NRXN2: variants seen among roughly 807,000 people sequenced by gnomAD.
NRXN2 encodes the protein neurexin-2-beta.
NRXN2 carries 29 observed loss-of-function variants against 128.8 expected under a neutral mutation model. The ratio of observed to expected loss-of-function variants is 0.23; its 90% CI spans 0.17 to 0.31. NRXN2 has a LOEUF of 0.31. Among genes scored for constraint, NRXN2 ranks in the 10% least tolerant of loss-of-function variants. NRXN2 has a pLI of 1.00. For missense variants in NRXN2, 1,881 were observed against 2,452.6 expected (o/e 0.77, Z 4.92); for synonymous variants, 1,098 against 1,075.2 (o/e 1.02, Z -0.41).
chr11:64,701,201 C>T (rs965240140), intron 2 of NRXN2, among the ~76,000 whole-genome samples: 4 of 152,186 alleles, frequency 2.6e-5, no homozygotes, highest in Non-Finnish European at 4.4e-5. Flanking sequence ...AACCATGTTA[C>T]GACCCTGCTG....
rs763298368 is a variant in NRXN2 at position 64,648,851 on chromosome 11, C to A, written c.3166G>T (p.Val1056Leu). The A allele has an allele frequency of 1.2e-6, 2 of 1,614,074 alleles. No individual in the cohort carries two copies. The highest frequency in any genetic ancestry group is 1.3e-5 in the African/African-American group (1 of 74,920). ...KNMFSNLPKL[V>L]ASRDGFQGCL... ...CCCTGAAAGCCATCCCGGGAGGCCA[C>A]CAGCTTGGGCAGGTTGCTGAACATA... Residue 1056 changes from valine to leucine, a missense_variant, in exon 16 of 23, where the codon GTG becomes TTG. Val to Leu is a conservative substitution (Grantham distance 32, BLOSUM62 1). Transcript: ENST00000265459. This position sits in a 1 kb window ranked among gnomAD's most constrained non-coding sequence, Gnocchi z 4.1.
At chr11:64,696,541 A>G (rs918953474) in intron 3 of NRXN2, among the ~76,000 whole-genome samples, 16 of 149,810 alleles carry the variant, frequency 1.1e-4, no homozygotes, top group African/African-American at 3.9e-4. Flanking sequence ...ACACACACAC[A>G]CACACACACA....
intron 22 of NRXN2, 45 bp from the exon 23 acceptor site, chr11:64,608,127 C>T: frequency 3.4e-6 from 5 of 1,451,222 alleles, no homozygotes; most frequent in Non-Finnish European, 4.7e-6. Context: ...TCAGCGAGGG[C>T]CAGGGCGCAG....
intron 12 of NRXN2, among the ~76,000 whole-genome samples, chr11:64,652,992 G>A (rs779819410): frequency 6.9e-4 from 98 of 142,664 alleles, no homozygotes; most frequent in Non-Finnish European, 1.2e-4. Flanking sequence ...AGGGCGCCCA[G>A]CACACACAGT....
At position 64,648,619 on chromosome 11, in the gene NRXN2, G is replaced by C. The variant is rs1344293714; in HGVS notation, c.3283+115C>G. ...GAACTGTGGGGGCAAGCTCCCATAAGGCCTGAGAAGGAAGGCCCCTTGGCA... is the reference window on the plus strand; with the variant it reads ...GAACTGTGGGGGCAAGCTCCCATAACGCCTGAGAAGGAAGGCCCCTTGGCA... On this transcript the variant is annotated intron_variant, in intron 16 of 22. Transcript: ENST00000265459. This position sits in a 1 kb window ranked among gnomAD's most constrained non-coding sequence, Gnocchi z 4.1. 1 of 1,406,020 alleles carries C rather than the reference G, an allele frequency of 7.1e-7. No homozygotes were observed. Among genetic ancestry groups the C allele is most frequent in the Non-Finnish European group, 1.0e-6 (1 of 996,366 alleles). 87.1% of individuals were successfully genotyped at this position (1,406,020 alleles called of 1,614,324 possible).
chr11:64,682,367 G>C (rs924985315), intron 6 of NRXN2, among the ~76,000 whole-genome samples: 6 of 151,176 alleles, frequency 4.0e-5, no homozygotes, highest in Non-Finnish European at 8.9e-5. Context: ...TCTATTCTTG[G>C]GGACTGCATC....
intron 21 of NRXN2, among the ~76,000 whole-genome samples, chr11:64,621,431 C>T (rs960150565): frequency 3.9e-5 from 6 of 152,272 alleles, no homozygotes; most frequent in Admixed American, 1.3e-4. Context: ...CCCAAGGGCT[C>T]CCTGCTCCCT....
chr11:64,682,654 CA>C (rs1462163862), intron 6 of NRXN2, among the ~76,000 whole-genome samples: 2 of 152,232 alleles, frequency 1.3e-5, no homozygotes, highest in Non-Finnish European at 2.9e-5. Context: ...GCTTGTCTTC[CA>C]AATTTGGTGC....
chr11:64,713,451 C>T lies in NRXN2; in HGVS notation c.249G>A (p.Val83=), dbSNP rs1245995454. 2.6e-6 allele frequency: 4 copies of T among 1,525,870 alleles called. No homozygotes were observed. The Admixed American group carries it at 6.0e-5, about 23-fold the overall frequency. 94.5% of individuals were successfully genotyped at this position (1,525,870 alleles called of 1,614,324 possible). Residue 83 remains valine, a synonymous_variant, in exon 2 of 23, where the codon GTG becomes GTA. Transcript: ENST00000265459. ...GDCDFLELLL[V]DGRLRLRFTL... ...TGAAGCGCAGCCGCAGGCGGCCGTC[C>T]ACCAGCAGCAGCTCCAGGAAGTCGC...
chr11:64,658,904 A>C (rs1396645464), intron 11 of NRXN2, among the ~76,000 whole-genome samples: 1 of 152,250 alleles, frequency 6.6e-6, no homozygotes, highest in Admixed American at 6.5e-5. Context: ...GGGTGCCTGT[A>C]ATCCCAGCTA....
At chr11:64,708,677 C>T (rs533701563) in intron 2 of NRXN2, among the ~76,000 whole-genome samples, 22 of 152,306 alleles carry the variant, frequency 1.4e-4, no homozygotes, top group African/African-American at 4.1e-4. Context: ...TACACAAATT[C>T]GTATGCACAC....
At chr11:64,626,177 T>C (rs1206057487) in intron 20 of NRXN2, among the ~76,000 whole-genome samples, 1 of 152,050 alleles carries the variant, frequency 6.6e-6, no homozygotes, top group Non-Finnish European at 1.5e-5. Context: ...GGAGCTCCCA[T>C]GGTAGGGATC....
intron 11 of NRXN2, among the ~76,000 whole-genome samples, chr11:64,655,165 G>A (rs1046766827): frequency 6.6e-6 from 1 of 152,216 alleles, no homozygotes; most frequent in African/African-American, 2.4e-5. Context: ...TGCCCCTGTG[G>A]CTTTGAGGGC....
In NRXN2 at chr11:64,635,355, C is replaced by T; in HGVS notation, c.3501G>A (p.Val1167=). The T allele has an allele frequency of 6.2e-7, 1 of 1,613,614 alleles. No individual in the cohort carries two copies. The highest frequency in any genetic ancestry group is 8.5e-7 in the Non-Finnish European group (1 of 1,180,016). The change falls in exon 18 of 23, where the codon GTG becomes GTA. Residue 1167 remains valine (V), a synonymous_variant. Coordinates refer to ENST00000265459, the MANE Select transcript of NRXN2 (RefSeq NM_015080.4). This position sits in a 1 kb window ranked among gnomAD's most constrained non-coding sequence, Gnocchi z 4.8. The part of the protein sequence containing the change: ...RPSTRMDRLA[V]GFSTHQRSAV... ...CGCTCCGCTGGTGGGTGCTGAAGCC[C>T]ACGGCCAGGCGATCCATCCTCGTGC...
At chr11:64,626,008 A>G (rs1259258443) in intron 20 of NRXN2, among the ~76,000 whole-genome samples, 1 of 151,988 alleles carries the variant, frequency 6.6e-6, no homozygotes, top group African/African-American at 2.4e-5. Flanking sequence ...AAACCTCCTC[A>G]GGTCAGCCTT....
chr11:64,716,157 T>C (rs2518908), intron 1 of NRXN2, among the ~76,000 whole-genome samples: 140,447 of 152,204 alleles, frequency 0.92, 65,882 homozygotes, highest in East Asian at 1. Context: ...TCTCCCAGCA[T>C]CCACCCCCAC....
intron 4 of NRXN2, among the ~76,000 whole-genome samples, chr11:64,692,339 G>C (rs2053908977): frequency 6.6e-6 from 1 of 152,198 alleles, no homozygotes; most frequent in Non-Finnish European, 1.5e-5. Context: ...TTCTCGTCAT[G>C]GATGGGGGCC....
Position 64,620,287 on chromosome 11 carries a change from C to G in NRXN2, c.4252+7G>C. ...CCCGGGGCAGGGGAGGGGGGAAAGG[C>G]ACTCACCAGTACTGGGCTCACACTC... On this transcript the variant is annotated splice_region_variant and intron_variant, in intron 22 of 22. Transcript: ENST00000265459. 1.3e-6 allele frequency: 2 copies of G among 1,550,284 alleles called. No individual in the cohort carries two copies. Among genetic ancestry groups the G allele is most frequent in the Non-Finnish European group, 1.7e-6 (2 of 1,146,034 alleles).
intron 17 of NRXN2, among the ~76,000 whole-genome samples, chr11:64,638,643 G>A (rs1369834934): frequency 2.6e-5 from 4 of 152,220 alleles, no homozygotes; most frequent in Admixed American, 2.6e-4. Context: ...GGCAAGAGGG[G>A]CCTAAGCCAA....
Sources: allele counts gnomAD v4.1 joint callset (sites outside exome capture counted in the v4.1 genomes callset), GRCh38; gene constraint gnomAD v4.1.1; non-coding constraint Gnocchi (gnomAD v3.1); transcripts MANE v1.5; gene names NCBI Gene and HGNC (gene_info 2026-07-23, HGNC 2026-07-21).